The following CELF4 variants were observed in gnomAD, a reference collection of about 807,000 sequenced individuals.
CELF4 encodes the protein CUGBP Elav-like family member 4, also known as CUG-BP- and ETR-3-like factor 4.
In CELF4, 18 loss-of-function variants were observed where a neutral mutation model predicts 59.9. That is an observed-to-expected ratio of 0.30 (90% CI 0.21 to 0.45). CELF4 has a LOEUF of 0.45. Ranked by LOEUF, CELF4 falls within the 20% of genes least tolerant of loss-of-function variation. The pLI, the probability that CELF4 is intolerant of heterozygous loss-of-function variation, is 1.00. For synonymous variants in CELF4, 261 were observed against 267.1 expected (o/e 0.98, Z 0.22); for missense variants, 456 against 689.0 (o/e 0.66, Z 3.79).
intron 2 of CELF4, among the ~76,000 whole-genome samples, chr18:37,458,015 G>A (rs1260668213): frequency 6.6e-6 from 1 of 152,152 alleles, no homozygotes; most frequent in African/African-American, 2.4e-5. Flanking sequence ...GGGTGGGTGG[G>A]TGGTGATTTC....
intron 2 of CELF4, among the ~76,000 whole-genome samples, chr18:37,387,412 G>A (rs975174578): frequency 4.6e-5 from 7 of 152,196 alleles, no homozygotes; most frequent in Admixed American, 6.5e-5. Flanking sequence ...ACCACACGCA[G>A]CCAACTGCTT....
chr18:37,511,170 G>A (rs760070907), intron 1 of CELF4, among the ~76,000 whole-genome samples: 4 of 152,156 alleles, frequency 2.6e-5, no homozygotes, highest in Non-Finnish European at 4.4e-5. Context: ...AAATCCTTGC[G>A]TGTTGGAAGC....
intron 2 of CELF4, among the ~76,000 whole-genome samples, chr18:37,410,317 C>T (rs1235209664): frequency 6.6e-6 from 1 of 152,134 alleles, no homozygotes; most frequent in Non-Finnish European, 1.5e-5. Flanking sequence ...TTGGCTGATG[C>T]CTCTGCTGAA....
At chr18:37,276,245 G>A (rs1269583282) in intron 3 of CELF4, 1 of 152,150 alleles carries the variant, frequency 6.6e-6, no homozygotes, top group East Asian at 1.9e-4. Context: ...GCACGCATGG[G>A]GCTGTATCCA....
intron 2 of CELF4, among the ~76,000 whole-genome samples, chr18:37,392,501 G>A (rs984200392): frequency 4.6e-5 from 7 of 152,166 alleles, no homozygotes; most frequent in Non-Finnish European, 1.0e-4. Flanking sequence ...TGAGAGGAGC[G>A]GGGAAGAGGC....
chr18:37,559,285 A>G (rs1025139292), intron 1 of CELF4, among the ~76,000 whole-genome samples: 1 of 151,908 alleles, frequency 6.6e-6, no homozygotes, highest in African/African-American at 2.4e-5. Context: ...TGCATCTGTC[A>G]TCTCTTCCCT....
rs952753043 is a variant in CELF4 at position 37,475,385 on chromosome 18, A to G, written c.369+10140T>C. ...GCTCAGATGATCTAGAGTAAGCTCAAGACTCTGCATTTCTAACAGACCCCA... is the reference window on the plus strand; with the variant it reads ...GCTCAGATGATCTAGAGTAAGCTCAGGACTCTGCATTTCTAACAGACCCCA... On this transcript the variant is annotated intron_variant, in intron 2 of 12. Transcript: ENST00000420428. Among the ~76,000 whole-genome samples, 9 of 152,238 alleles carry G rather than the reference A, an allele frequency of 5.9e-5. No individual in the cohort carries two copies. The East Asian group carries it at 1.7e-3, about 29-fold the overall frequency.
intron 2 of CELF4, among the ~76,000 whole-genome samples, chr18:37,376,485 G>A (rs2098970850): frequency 6.6e-6 from 1 of 152,178 alleles, no homozygotes; most frequent in Admixed American, 6.5e-5. Flanking sequence ...GCTCTCTCCT[G>A]GGTGTGCTCC....
intron 2 of CELF4, among the ~76,000 whole-genome samples, chr18:37,435,237 T>C (rs186558819): frequency 6.6e-6 from 1 of 152,288 alleles, no homozygotes; most frequent in Non-Finnish European, 1.5e-5. Context: ...ACTTTCTCTG[T>C]GAGCATCTAG....
chr18:37,346,114 C>T (rs1483570653), intron 2 of CELF4, among the ~76,000 whole-genome samples: 2 of 152,228 alleles, frequency 1.3e-5, no homozygotes, highest in Non-Finnish European at 2.9e-5. Context: ...GAGCAGGGAC[C>T]AGCCTGCAGC....
At chr18:37,521,864 T>C (rs899537190) in intron 1 of CELF4, among the ~76,000 whole-genome samples, 1 of 152,220 alleles carries the variant, frequency 6.6e-6, no homozygotes, top group Non-Finnish European at 1.5e-5. Context: ...CACCATCTCA[T>C]GCAACTTCTG....
chr18:37,260,917 C>T (rs1256023032), intron 10 of CELF4, among the ~76,000 whole-genome samples: 2 of 152,082 alleles, frequency 1.3e-5, no homozygotes, highest in East Asian at 1.9e-4. Flanking sequence ...CGGGCACAAA[C>T]ATGCTCCCTC....
At chr18:37,252,341 T>C (rs1464769336) in intron 12 of CELF4, among the ~76,000 whole-genome samples, 1 of 152,080 alleles carries the variant, frequency 6.6e-6, no homozygotes, top group Non-Finnish European at 1.5e-5. Flanking sequence ...GACTGAGTGG[T>C]CAGTGCAGTA....
intron 1 of CELF4, among the ~76,000 whole-genome samples, chr18:37,488,093 A>T (rs1306752277): frequency 1.3e-5 from 2 of 151,802 alleles, no homozygotes; most frequent in African/African-American, 4.8e-5. Context: ...CTCTTCCCAG[A>T]ACGGCACCCC....
At chr18:37,437,930 G>T (rs1267296775) in intron 2 of CELF4, among the ~76,000 whole-genome samples, 1 of 152,026 alleles carries the variant, frequency 6.6e-6, no homozygotes, top group South Asian at 2.1e-4. Context: ...TGTAGATGAG[G>T]TCAGGAAGGT....
intron 2 of CELF4, among the ~76,000 whole-genome samples, chr18:37,422,758 C>T (rs1318009153): frequency 2.0e-5 from 3 of 152,170 alleles, no homozygotes; most frequent in African/African-American, 4.8e-5. Flanking sequence ...CATAGGGAAG[C>T]CATGCCTTGT....
intron 1 of CELF4, among the ~76,000 whole-genome samples, chr18:37,561,738 G>A (rs1451349242): frequency 6.6e-6 from 1 of 152,132 alleles, no homozygotes; most frequent in African/African-American, 2.4e-5. Context: ...TGGACTACTG[G>A]GTGACCTGTT....
In CELF4 at chr18:37,485,565, T is replaced by G; in HGVS notation, c.329A>C (p.Lys110Thr). Reference protein sequence around the residue: ...LTYCERESALKAQSALHEQKT... With the variant: ...LTYCERESALTAQSALHEQKT... ...CTGCTCGTGCAGCGCGCTCTGGGCC[T>G]TCAGCGCTGACTCACGCTCGCAGTA... The change falls in exon 2 of 13, where the codon AAG becomes ACG. Residue 110 changes from lysine (K) to threonine (T), a missense_variant. By Grantham distance (78) the Lys-to-Thr change is moderately conservative (BLOSUM62 -1). This residue lies in a region of CELF4 where 63 missense variants were observed against 110.6 expected (regional missense o/e 0.57). Coordinates refer to ENST00000420428, the MANE Select transcript of CELF4 (RefSeq NM_020180.4). The G allele has an allele frequency of 6.9e-7, 1 of 1,453,634 alleles. No homozygotes were observed. Among genetic ancestry groups the G allele is most frequent in the Non-Finnish European group, 9.2e-7 (1 of 1,091,200 alleles). The allele number at this position is 1,453,634 out of a possible 1,614,324, so 90.0% of individuals were successfully genotyped here. A position where few individuals can be genotyped will look rare whatever the true frequency, so the allele number is the denominator to read the frequency against.
chr18:37,355,559 G>A (rs566758586), intron 2 of CELF4, among the ~76,000 whole-genome samples: 1 of 152,222 alleles, frequency 6.6e-6, no homozygotes, highest in Non-Finnish European at 1.5e-5. Context: ...TGTAATCCCA[G>A]CTACACGGGA....
Sources: gnomAD v4.1 joint callset for allele counts (sites outside exome capture counted in the v4.1 genomes callset) on GRCh38, gnomAD v4.1.1 for gene constraint, gnomAD v4.1.1 regional missense constraint, MANE v1.5 for transcripts, NCBI Gene and HGNC (gene_info 2026-07-23, HGNC 2026-07-21) for gene names.